The following GRM5 variants were observed in gnomAD, a reference collection of about 807,000 sequenced individuals.
GRM5 encodes the protein metabotropic glutamate receptor 5.
In GRM5, 19 loss-of-function variants were observed where a neutral mutation model predicts 83.1. That is an observed-to-expected ratio of 0.23 (90% CI 0.16 to 0.34). The LOEUF is 0.34. GRM5 is among the 10% of genes least tolerant of loss of function. GRM5 has a pLI of 1.00. For missense variants in GRM5, 1,160 were observed against 1,588.3 expected (o/e 0.73, Z 4.58); for synonymous variants, 675 against 633.6 (o/e 1.07, Z -0.98).
At chr11:88,818,253 T>C (rs1943725138) in intron 3 of GRM5, among the ~76,000 whole-genome samples, 1 of 152,130 alleles carries the variant, frequency 6.6e-6, no homozygotes. Flanking sequence ...TTGGTTTACT[T>C]GCCACCATTA....
Position 88,805,301 on chromosome 11 carries a change from C to T in GRM5, c.911+44605G>A, listed in dbSNP as rs142768615. Among the ~76,000 whole-genome samples the T allele has an allele frequency of 4.5e-3, 685 of 152,242 alleles. 4 individuals are homozygous for T. The highest frequency in any genetic ancestry group is 0.016 in the African/African-American group (651 of 41,548). Reference sequence around the variant, plus strand: ...CCGCCTCCCGGATTCAAGTGATTCTCCTGCCTCAGCCTCCTGTGTAGCTGA... The same window carrying T: ...CCGCCTCCCGGATTCAAGTGATTCTTCTGCCTCAGCCTCCTGTGTAGCTGA... On this transcript the variant is annotated intron_variant, in intron 3 of 9. Transcript: ENST00000305447.
At chr11:88,588,102 C>T (rs1490682296) in intron 7 of GRM5, among the ~76,000 whole-genome samples, 2 of 152,138 alleles carry the variant, frequency 1.3e-5, no homozygotes, top group Non-Finnish European at 2.9e-5. Flanking sequence ...CCCATCAGCA[C>T]CTTCTTCAAG....
At chr11:88,954,061 C>T (rs1382259260) in intron 2 of GRM5, among the ~76,000 whole-genome samples, 2 of 152,298 alleles carry the variant, frequency 1.3e-5, no homozygotes, top group East Asian at 3.9e-4. Context: ...TGGTTATCAA[C>T]CTGCTGTTCT....
Position 88,609,401 on chromosome 11 carries a change from T to C in GRM5, c.1148-4437A>G, listed in dbSNP as rs147136621. Among the ~76,000 whole-genome samples, 396 of 152,302 alleles carry C rather than the reference T, an allele frequency of 2.6e-3. 1 individual carries two copies. Among genetic ancestry groups the C allele is most frequent in the African/African-American group, 9.1e-3 (377 of 41,578 alleles). ...ACCATGCATGCATATGTACCATGTCTTTAACCAGTCCACCACTGATGGGCA... is the reference window on the plus strand; with the variant it reads ...ACCATGCATGCATATGTACCATGTCCTTAACCAGTCCACCACTGATGGGCA... On this transcript the variant is annotated intron_variant, in intron 4 of 9. Transcript: ENST00000305447.
chr11:88,765,931 G>T (rs1196012484), intron 3 of GRM5, among the ~76,000 whole-genome samples: 1 of 151,732 alleles, frequency 6.6e-6, no homozygotes, highest in Non-Finnish European at 1.5e-5. Flanking sequence ...GAAAATGTTT[G>T]CAACTTATAT....
At chr11:88,687,774 G>C (rs1400649622) in intron 3 of GRM5, among the ~76,000 whole-genome samples, 1 of 148,856 alleles carries the variant, frequency 6.7e-6, no homozygotes, top group Non-Finnish European at 1.5e-5. Flanking sequence ...ACTCATCTGA[G>C]TTCTCCTGCT....
chr11:88,873,131 T>A (rs1944797366), intron 2 of GRM5, among the ~76,000 whole-genome samples: 1 of 151,690 alleles, frequency 6.6e-6, no homozygotes, highest in East Asian at 1.9e-4. Flanking sequence ...CTCACAATGA[T>A]AAAAGAGTCA....
intron 9 of GRM5, among the ~76,000 whole-genome samples, chr11:88,515,109 G>C (rs906082127): frequency 2.0e-5 from 3 of 152,008 alleles, no homozygotes; most frequent in Non-Finnish European, 4.4e-5. Flanking sequence ...CATTCACGGT[G>C]GGTTATTAAA....
At chr11:89,006,275 T>C (rs1317864535) in intron 2 of GRM5, among the ~76,000 whole-genome samples, 2 of 152,214 alleles carry the variant, frequency 1.3e-5, no homozygotes, top group African/African-American at 2.4e-5. Context: ...GTGAGATTCA[T>C]AATATCTACC....
intron 3 of GRM5, among the ~76,000 whole-genome samples, chr11:88,811,674 G>A (rs4753763): frequency 0.035 from 5,280 of 152,196 alleles, 256 homozygotes; most frequent in Admixed American, 0.15. Flanking sequence ...CAAACTATAT[G>A]TATGACAAGA....
At chr11:88,646,446 T>C (rs1456145336) in intron 4 of GRM5, among the ~76,000 whole-genome samples, 1 of 151,888 alleles carries the variant, frequency 6.6e-6, no homozygotes, top group African/African-American at 2.4e-5. Flanking sequence ...AGTTAAAACA[T>C]TTAAGGGCCA....
At chr11:88,795,128 C>G (rs1051938012) in intron 3 of GRM5, among the ~76,000 whole-genome samples, 1 of 150,642 alleles carries the variant, frequency 6.6e-6, no homozygotes, top group African/African-American at 2.4e-5. Context: ...GAACATGAGA[C>G]TATATTGAGA....
At chr11:88,542,703 TAGA>T (rs1942294390) in intron 8 of GRM5, among the ~76,000 whole-genome samples, 1 of 152,186 alleles carries the variant, frequency 6.6e-6, no homozygotes, top group Non-Finnish European at 1.5e-5. Context: ...TCAAGGAGCT[TAGA>T]ATCCAATGGG....
intron 3 of GRM5, among the ~76,000 whole-genome samples, chr11:88,690,988 T>G (rs985371918): frequency 1.3e-5 from 2 of 152,154 alleles, no homozygotes; most frequent in Admixed American, 1.3e-4. Flanking sequence ...AATTTTTTAG[T>G]CTGATATGTG....
At chr11:88,559,456 A>G (rs1429623519) in intron 8 of GRM5, among the ~76,000 whole-genome samples, 1 of 152,184 alleles carries the variant, frequency 6.6e-6, no homozygotes, top group Non-Finnish European at 1.5e-5. Context: ...GGGGAAGTCA[A>G]TTAGCTTCTG....
At chr11:88,644,731 T>G (rs1447889522) in intron 4 of GRM5, among the ~76,000 whole-genome samples, 1 of 151,568 alleles carries the variant, frequency 6.6e-6, no homozygotes, top group Admixed American at 6.6e-5. Flanking sequence ...AACAGCTAAA[T>G]AGCTCTACAC....
chr11:88,558,312 C>G (rs1164496841), intron 8 of GRM5, among the ~76,000 whole-genome samples: 4 of 152,080 alleles, frequency 2.6e-5, no homozygotes, highest in Non-Finnish European at 5.9e-5. Context: ...AAATACAGCC[C>G]CACATTCGAA....
chr11:88,664,418 C>A (rs894622433), intron 3 of GRM5, among the ~76,000 whole-genome samples: 2 of 151,906 alleles, frequency 1.3e-5, no homozygotes, highest in African/African-American at 4.8e-5. Context: ...TAGAGTATGG[C>A]AACTATTCAC....
chr11:88,981,415 A>G (rs927902418), intron 2 of GRM5, among the ~76,000 whole-genome samples: 1 of 152,212 alleles, frequency 6.6e-6, no homozygotes, highest in Non-Finnish European at 1.5e-5. Flanking sequence ...ATGAATCAGT[A>G]TAAAGTTAAA....
Sources: gnomAD v4.1 joint callset for allele counts (sites outside exome capture counted in the v4.1 genomes callset) on GRCh38, gnomAD v4.1.1 for gene constraint, MANE v1.5 for transcripts, NCBI Gene and HGNC (gene_info 2026-07-23, HGNC 2026-07-21) for gene names.